Variants in LINGO2 observed in about 807,000 individuals in gnomAD.
The protein encoded by LINGO2 is leucine rich repeat and Ig domain containing 2.
LINGO2 carries 14 observed loss-of-function variants against 30.6 expected under a neutral mutation model. The observed-to-expected ratio is 0.46, with a 90% CI of 0.30 to 0.72. The LOEUF (loss-of-function observed/expected upper bound fraction) is 0.72. LINGO2 is among the 30% of genes least tolerant of loss of function. The pLI is 0.07. For synonymous variants in LINGO2, 317 were observed against 288.5 expected, an observed-to-expected ratio of 1.10 and a Z score of -1.00; for missense variants, 729 against 751.7, an observed-to-expected ratio of 0.97 and a Z score of 0.35.
chr9:28,190,084 G>T lies in LINGO2; in HGVS notation c.-87+105124C>A, dbSNP rs375028426. ...AGTTCTTTAAACGTTTCACAAACAT[G>T]GATATTTTGACGTGGTATGGCCAAG... On this transcript the variant is annotated intron_variant, in intron 4 of 5. Transcript: ENST00000379992. Among the ~76,000 whole-genome samples the T allele has an allele frequency of 5.3e-5, 8 of 152,200 alleles. No individual in the cohort carries two copies. In the East Asian group the frequency reaches 9.7e-4, roughly 18 times the overall value.
At chr9:28,716,133 T>A in the LINGO2 span, among the ~76,000 whole-genome samples, 2 of 151,762 alleles carry the variant, frequency 1.3e-5, no homozygotes, top group Non-Finnish European at 2.9e-5. Flanking sequence ...TCTGTACACT[T>A]AAAATGCCTT....
At chr9:28,360,376 C>A (rs3849955) in intron 3 of LINGO2, among the ~76,000 whole-genome samples, 15,709 of 152,200 alleles carry the variant, frequency 0.1, 1,145 homozygotes, top group Admixed American at 0.17. Context: ...CCTATACCTG[C>A]AAAGTATAAT....
intron 1 of LINGO2, among the ~76,000 whole-genome samples, chr9:28,543,394 A>T (rs1821790649): frequency 6.6e-6 from 1 of 152,090 alleles, no homozygotes; most frequent in African/African-American, 2.4e-5. Flanking sequence ...TTTATTCATA[A>T]TTAGAAAGAC....
At chr9:29,056,153 A>G in the LINGO2 span, among the ~76,000 whole-genome samples, 1 of 152,134 alleles carries the variant, frequency 6.6e-6, no homozygotes, top group South Asian at 2.1e-4. Flanking sequence ...GCTGGATCAA[A>G]TGGTAGTTCT....
At chr9:28,502,241 C>T (rs1819922189) in intron 1 of LINGO2, among the ~76,000 whole-genome samples, 1 of 151,998 alleles carries the variant, frequency 6.6e-6, no homozygotes, top group Non-Finnish European at 1.5e-5. Context: ...TGACACCACC[C>T]TCTACTTGTC....
At chr9:29,118,300 G>A in the LINGO2 span, among the ~76,000 whole-genome samples, 2 of 152,126 alleles carry the variant, frequency 1.3e-5, no homozygotes, top group African/African-American at 2.4e-5. Context: ...AACAAACTAT[G>A]TGAATTTAAT....
intron 4 of LINGO2, among the ~76,000 whole-genome samples, chr9:28,025,574 G>C (rs2119414764): frequency 6.6e-6 from 1 of 152,192 alleles, no homozygotes. Context: ...TGTATCAATA[G>C]TTGGTTTTTC....
the LINGO2 span, among the ~76,000 whole-genome samples, chr9:28,735,426 T>C: frequency 6.6e-6 from 1 of 152,204 alleles, no homozygotes; most frequent in African/African-American, 2.4e-5. Flanking sequence ...TGATGCTTTA[T>C]CAATTAGAAA....
chr9:29,137,353 G>A, the LINGO2 span, among the ~76,000 whole-genome samples: 1 of 152,074 alleles, frequency 6.6e-6, no homozygotes, highest in African/African-American at 2.4e-5. Context: ...CAGTTCACAA[G>A]GCACTATCAT....
the LINGO2 span, among the ~76,000 whole-genome samples, chr9:28,738,946 A>G: frequency 1.3e-5 from 2 of 152,066 alleles, no homozygotes; most frequent in East Asian, 3.8e-4. Flanking sequence ...ATCAAAAGCT[A>G]ACATCATACT....
At chr9:28,040,565 A>G (rs1420483818) in intron 4 of LINGO2, among the ~76,000 whole-genome samples, 1 of 151,522 alleles carries the variant, frequency 6.6e-6, no homozygotes, top group Non-Finnish European at 1.5e-5. Flanking sequence ...CATAATAGAG[A>G]TTTATAATAA....
chr9:28,042,416 G>A (rs981853745), intron 4 of LINGO2, among the ~76,000 whole-genome samples: 3 of 152,160 alleles, frequency 2.0e-5, no homozygotes, highest in Admixed American at 1.3e-4. Flanking sequence ...AAAGTCACTG[G>A]TATATGCTGG....
rs1825360991 is a variant in LINGO2 at position 28,329,915 on chromosome 9, T to C, written c.-245-34549A>G. On this transcript the variant is annotated intron_variant, in intron 3 of 5. Transcript: ENST00000379992. This position sits in a 1 kb window ranked among gnomAD's most constrained non-coding sequence, Gnocchi z 4.5. ...TGTATTTAGCTCTTCCAATAGACAC[T>C]TTCTTTTAATTTTTATGTATTTATT... 6.6e-6 allele frequency among the ~76,000 whole-genome samples: 1 copy of C among 152,182 alleles called. No homozygotes were observed. Among genetic ancestry groups the C allele is most frequent in the Non-Finnish European group, 1.5e-5 (1 of 68,030 alleles).
At chr9:28,071,001 C>T (rs1825458748) in intron 4 of LINGO2, among the ~76,000 whole-genome samples, 1 of 152,158 alleles carries the variant, frequency 6.6e-6, no homozygotes, top group African/African-American at 2.4e-5. Context: ...AGGCCTAAGC[C>T]ACCATGCCTG....
downstream of LINGO2, chr9:27,944,026 A>C (rs771285912): frequency 6.6e-6 from 1 of 152,164 alleles, no homozygotes; most frequent in Non-Finnish European, 1.5e-5. Context: ...ATCAGCCCCA[A>C]TCCTATTTTA....
chr9:28,365,338 C>T (rs539566127), intron 3 of LINGO2, among the ~76,000 whole-genome samples: 12 of 152,208 alleles, frequency 7.9e-5, no homozygotes, highest in African/African-American at 2.6e-4. Flanking sequence ...ATGTATGTGT[C>T]ATGCTAAAGA....
chr9:29,119,679 G>A, the LINGO2 span, among the ~76,000 whole-genome samples: 39 of 144,956 alleles, frequency 2.7e-4, no homozygotes, highest in Middle Eastern at 3.9e-3. Flanking sequence ...TCCACTTCCC[G>A]GGTTCAAGCA....
At chr9:28,558,201 A>G (rs916083348) in intron 1 of LINGO2, among the ~76,000 whole-genome samples, 1 of 151,326 alleles carries the variant, frequency 6.6e-6, no homozygotes, top group Non-Finnish European at 1.5e-5. Flanking sequence ...TGTTGAACCC[A>G]TTTTTCACTA....
At chr9:28,802,997 T>G in the LINGO2 span, among the ~76,000 whole-genome samples, 2 of 152,016 alleles carry the variant, frequency 1.3e-5, no homozygotes, top group Non-Finnish European at 2.9e-5. Flanking sequence ...ATGTTAGAAA[T>G]AGAAAGAACT....
Sources: allele counts gnomAD v4.1 joint callset (sites outside exome capture counted in the v4.1 genomes callset), GRCh38; gene constraint gnomAD v4.1.1; non-coding constraint Gnocchi (gnomAD v3.1); transcripts MANE v1.5; gene names NCBI Gene and HGNC (gene_info 2026-07-23, HGNC 2026-07-21).